The following EPB41L4A variants were observed in gnomAD, a reference collection of about 807,000 sequenced individuals.
The protein encoded by EPB41L4A is band 4.1-like protein 4A.
EPB41L4A carries 100 observed loss-of-function variants against 108.6 expected under a neutral mutation model. The ratio of observed to expected loss-of-function variants is 0.92; its 90% CI spans 0.78 to 1.09. The LOEUF (loss-of-function observed/expected upper bound fraction) is 1.09, where lower values mean the gene tolerates loss of function less well. EPB41L4A is among the 50% of genes least tolerant of loss of function. The pLI is 0.00. For synonymous variants in EPB41L4A, 319 were observed against 289.0 expected (o/e 1.10, Z -1.05); for missense variants, 1,030 against 842.7 (o/e 1.22, Z -2.75).
rs114094827 is a variant in EPB41L4A, at chr5:112,220,294, C to T, written c.1088-10312G>A. Among the ~76,000 whole-genome samples, 582 of 152,152 alleles carry T rather than the reference C, an allele frequency of 3.8e-3. 3 individuals are homozygous for T. The highest frequency in any genetic ancestry group is 0.013 in the African/African-American group (554 of 41,514). On this transcript the variant is annotated intron_variant, in intron 12 of 22. Transcript: ENST00000261486. ...TGAATGTTCTATCAAGTGACAAATC[C>T]GCTGGGTCCTCCTTCAATTTTGTTG...
chr5:112,403,956 A>G (rs2112767879), intron 1 of EPB41L4A, among the ~76,000 whole-genome samples: 1 of 152,352 alleles, frequency 6.6e-6, no homozygotes, highest in Non-Finnish European at 1.5e-5. Context: ...GACATCAAAA[A>G]AGGAGGAAGA....
chr5:112,173,048 G>T (rs1261861253), intron 18 of EPB41L4A, among the ~76,000 whole-genome samples: 1 of 152,154 alleles, frequency 6.6e-6, no homozygotes, highest in Admixed American at 6.5e-5. Flanking sequence ...AAGCAAAACT[G>T]CCCCCAGTTG....
chr5:112,186,342 T>C (rs1035077443), intron 17 of EPB41L4A, among the ~76,000 whole-genome samples: 3 of 152,182 alleles, frequency 2.0e-5, no homozygotes, highest in African/African-American at 7.2e-5. Flanking sequence ...TTCTCATCTA[T>C]TGTGGAATTC....
intron 3 of EPB41L4A, among the ~76,000 whole-genome samples, chr5:112,278,417 A>G (rs181860123): frequency 8.9e-4 from 135 of 151,642 alleles, no homozygotes; most frequent in Non-Finnish European, 1.5e-3. Context: ...ACATCTGGCT[A>G]ATTTTTGTAT....
intron 1 of EPB41L4A, among the ~76,000 whole-genome samples, chr5:112,340,229 T>C (rs560192910): frequency 1.3e-5 from 2 of 152,320 alleles, no homozygotes; most frequent in South Asian, 2.1e-4. Context: ...CTGGCTCTTA[T>C]CCAACTTGAC....
intron 1 of EPB41L4A, among the ~76,000 whole-genome samples, chr5:112,354,754 T>C (rs1347290580): frequency 1.3e-5 from 2 of 152,220 alleles, no homozygotes; most frequent in Admixed American, 6.5e-5. Context: ...ATTAACAGTA[T>C]ATACTTTATG....
intron 1 of EPB41L4A, among the ~76,000 whole-genome samples, chr5:112,385,414 A>G (rs1464130596): frequency 6.6e-6 from 1 of 151,536 alleles, no homozygotes; most frequent in East Asian, 1.9e-4. Context: ...CTAGGCAACC[A>G]TTTTTAAAAA....
At chr5:112,293,283 G>C (rs1332041765) in intron 2 of EPB41L4A, among the ~76,000 whole-genome samples, 3 of 152,020 alleles carry the variant, frequency 2.0e-5, no homozygotes. Flanking sequence ...CTCGTGTCAT[G>C]AGGGTCTGCT....
At chr5:112,261,404 TA>T (rs1413805764) in intron 7 of EPB41L4A, among the ~76,000 whole-genome samples, 2 of 152,208 alleles carry the variant, frequency 1.3e-5, no homozygotes, top group African/African-American at 2.4e-5. Flanking sequence ...TCCAATTGAT[TA>T]AAAAAAATCA....
At chr5:112,374,238 T>C (rs1759668198) in intron 1 of EPB41L4A, among the ~76,000 whole-genome samples, 1 of 152,298 alleles carries the variant, frequency 6.6e-6, no homozygotes, top group African/African-American at 2.4e-5. Flanking sequence ...ATGCTGACAG[T>C]GATTGGGAGT....
intron 12 of EPB41L4A, among the ~76,000 whole-genome samples, chr5:112,214,192 C>T (rs1047150302): frequency 2.0e-5 from 3 of 152,204 alleles, no homozygotes; most frequent in Non-Finnish European, 4.4e-5. Flanking sequence ...ACAAATCCAT[C>T]CCACTAATGG....
intron 20 of EPB41L4A, among the ~76,000 whole-genome samples, chr5:112,169,568 G>C (rs941434977): frequency 6.6e-6 from 1 of 151,838 alleles, no homozygotes; most frequent in Non-Finnish European, 1.5e-5. Context: ...AAGTATGTGA[G>C]GTGATAGATA....
intron 18 of EPB41L4A, among the ~76,000 whole-genome samples, chr5:112,177,299 C>T (rs996360800): frequency 1.6e-4 from 25 of 152,252 alleles, no homozygotes; most frequent in African/African-American, 6.0e-4. Context: ...TTTTCAAAGC[C>T]AGCAACAGCA....
intron 1 of EPB41L4A, among the ~76,000 whole-genome samples, chr5:112,324,183 T>C (rs1049538922): frequency 3.9e-5 from 6 of 152,106 alleles, no homozygotes; most frequent in East Asian, 1.9e-4. Context: ...AGAAGAGACA[T>C]ACAGGAAGAG....
At chr5:112,198,748 A>G (rs1013331748) in intron 15 of EPB41L4A, among the ~76,000 whole-genome samples, 2 of 152,088 alleles carry the variant, frequency 1.3e-5, no homozygotes, top group Non-Finnish European at 2.9e-5. Context: ...TATTTTACTC[A>G]TTTTAAATTC....
At chr5:112,175,044 T>TG (rs529441472) in intron 18 of EPB41L4A, among the ~76,000 whole-genome samples, 174 of 152,102 alleles carry the variant, frequency 1.1e-3, no homozygotes, top group African/African-American at 4.1e-3. Flanking sequence ...GGGTTGGGGG[T>TG]GGGGGTTCAT....
intron 1 of EPB41L4A, among the ~76,000 whole-genome samples, chr5:112,409,804 G>A (rs1341695627): frequency 6.6e-6 from 1 of 152,112 alleles, no homozygotes; most frequent in African/African-American, 2.4e-5. Context: ...AGCATCCCAT[G>A]ATGAGGTGGA....
intron 1 of EPB41L4A, among the ~76,000 whole-genome samples, chr5:112,399,923 G>A (rs1325782636): frequency 6.6e-6 from 1 of 152,132 alleles, no homozygotes; most frequent in African/African-American, 2.4e-5. Flanking sequence ...GTCTCCCACT[G>A]GTTCAATATC....
rs1749206440 is a variant in EPB41L4A at position 112,234,736 on chromosome 5, T to C, written c.985A>G (p.Met329Val). ...HRYSGRTALQ[M>V]SRDLSIQLPR... Reference sequence around the variant, plus strand: ...AGCTGAATAGAAAGATCTCGGCTCATTTGCAAAGCTGTCCTGCCACTTGAG... The same window carrying C: ...AGCTGAATAGAAAGATCTCGGCTCACTTGCAAAGCTGTCCTGCCACTTGAG... The change falls in exon 12 of 23, where the codon ATG (methionine) becomes GTG (valine). Residue 329 changes from methionine (M) to valine (V), a missense_variant. Coordinates refer to ENST00000261486, the MANE Select transcript of EPB41L4A (RefSeq NM_022140.5). 6.2e-7 allele frequency: 1 copy of C among 1,611,512 alleles called. No homozygotes were observed.
Sources: allele counts gnomAD v4.1 joint callset (sites outside exome capture counted in the v4.1 genomes callset), GRCh38; gene constraint gnomAD v4.1.1; transcripts MANE v1.5; gene names NCBI Gene and HGNC (gene_info 2026-07-23, HGNC 2026-07-21).